The following KIF17 variants were observed in gnomAD, a reference collection of about 807,000 sequenced individuals.
The protein encoded by KIF17 is kinesin family member 17, also known as kinesin-like protein KIF17.
Under a neutral mutation model 96.8 loss-of-function variants are expected in KIF17, and 80 were observed. The ratio of observed to expected loss-of-function variants is 0.83; its 90% CI spans 0.69 to 1.00. The LOEUF is 1.00. Among genes scored for constraint, KIF17 ranks in the 50% least tolerant of loss-of-function variants. KIF17 has a pLI of 0.00. For missense variants in KIF17, 1,280 were observed against 1,372.9 expected (o/e 0.93, Z 1.07); for synonymous variants, 567 against 587.5 (o/e 0.97, Z 0.51).
chr1:20,661,726 C>T (rs560310791), downstream of KIF17, among the ~76,000 whole-genome samples: 1 of 152,284 alleles, frequency 6.6e-6, no homozygotes, highest in South Asian at 2.1e-4. Context: ...GCGGGGTCCT[C>T]CCCGGGCTTG....
intron 1 of KIF17, 148 bp downstream of exon 1, chr1:20,717,328 G>A (rs1335487457): frequency 4.8e-6 from 4 of 829,222 alleles, no homozygotes; most frequent in Non-Finnish European, 7.4e-6. Flanking sequence ...GTCCCGCCTG[G>A]ACAAAAGCCT....
rs1475709320 is a variant in KIF17 at position 20,687,639 on chromosome 1, C to G, written c.1687G>C (p.Glu563Gln). The change falls in exon 8 of 15, where the codon GAG becomes CAG. Residue 563 changes from glutamate (E) to glutamine (Q), a missense_variant. Physicochemically the swap from Glu to Gln is conservative, Grantham distance 29. Transcript: ENST00000400463. The surrounding 1 kb of genome is among the most constrained non-coding windows in gnomAD (Gnocchi z 4.4). ...FPGPEEPSNV[E>Q]VSMPTEESRS... ...GACTCCTCAGTGGGCATGGAGACCTCCACGTTGGAGGGCTCCTCAGGCCCA... is the reference window on the plus strand; with the variant it reads ...GACTCCTCAGTGGGCATGGAGACCTGCACGTTGGAGGGCTCCTCAGGCCCA... 1.2e-6 allele frequency: 2 copies of G among 1,614,056 alleles called. No homozygotes were observed. The highest frequency in any genetic ancestry group is 1.7e-6 in the Non-Finnish European group (2 of 1,180,038).
intron 11 of KIF17, among the ~76,000 whole-genome samples, chr1:20,677,593 T>C (rs1006373086): frequency 2.0e-5 from 3 of 151,952 alleles, no homozygotes; most frequent in Non-Finnish European, 4.4e-5. Context: ...GTGGCTCACG[T>C]CTGTAATCCC....
At chr1:20,716,276 G>A (rs928037331) in intron 1 of KIF17, among the ~76,000 whole-genome samples, 2 of 151,574 alleles carry the variant, frequency 1.3e-5, no homozygotes, top group African/African-American at 2.4e-5. Context: ...TATCTTAAAG[G>A]GTAAGAGCAG....
At chr1:20,683,471 A>G (rs924296338) in intron 10 of KIF17, among the ~76,000 whole-genome samples, 4 of 152,260 alleles carry the variant, frequency 2.6e-5, no homozygotes, top group African/African-American at 9.6e-5. Context: ...CTTGACCAAC[A>G]TGGTTAAACC....
intron 3 of KIF17, among the ~76,000 whole-genome samples, chr1:20,712,209 CAGA>C (rs1380004005): frequency 1.3e-5 from 2 of 152,172 alleles, no homozygotes; most frequent in South Asian, 4.1e-4. Context: ...TGCGGGTTAG[CAGA>C]AGGTTTGCAG....
Position 20,685,013 on chromosome 1 carries a change from T to C in KIF17, c.2027A>G (p.Asp676Gly), listed in dbSNP as rs532054254. The C allele has an allele frequency of 1.9e-6, 3 of 1,593,336 alleles. No homozygotes were observed. The African/African-American group carries it at 4.0e-5, about 21-fold the overall frequency. ...ADDFPPRPEV[D>G]LASEVALEVV... ...CTCTAAGGCCACTTCCGAGGCCAGATCTACCTCCTGAGTGTGAAGAGAAAC... is the reference window on the plus strand; with the variant it reads ...CTCTAAGGCCACTTCCGAGGCCAGACCTACCTCCTGAGTGTGAAGAGAAAC... Residue 676 changes from aspartate to glycine, a missense_variant, in exon 10 of 15, where the codon GAT becomes GGT. Physicochemically the swap from Asp to Gly is moderately conservative, Grantham distance 94. Transcript: ENST00000400463. This position sits in a 1 kb window ranked among gnomAD's most constrained non-coding sequence, Gnocchi z 4.1.
rs2053917720 is a variant in KIF17 at position 20,685,283 on chromosome 1, G to A, written c.2020-263C>T. ...CAATCCAGTCTCCACAGGCAGCCAG[G>A]GCCATCTTAAAATAGAAACCGATCA... is the stretch of plus-strand genomic sequence containing the variant. On this transcript the variant is annotated intron_variant, in intron 9 of 14. Transcript: ENST00000400463. This position sits in a 1 kb window ranked among gnomAD's most constrained non-coding sequence, Gnocchi z 4.1. The A allele has an allele frequency of 1.5e-6, 1 of 661,790 alleles. No homozygotes were observed. Among genetic ancestry groups the A allele is most frequent in the Non-Finnish European group, 2.8e-6 (1 of 358,552 alleles). 41.0% of individuals were successfully genotyped at this position (661,790 alleles called of 1,614,324 possible).
chr1:20,667,380 G>T (rs2053548020), intron 13 of KIF17, among the ~76,000 whole-genome samples: 2 of 152,172 alleles, frequency 1.3e-5, no homozygotes, highest in South Asian at 2.1e-4. Context: ...CCGTCTAGTT[G>T]CAGGAAAACA....
chr1:20,713,009 A>T (rs115476429), intron 3 of KIF17, among the ~76,000 whole-genome samples: 3,281 of 142,646 alleles, frequency 0.023, 121 homozygotes, highest in African/African-American at 0.079. Flanking sequence ...AGATATATAT[A>T]TTTTGAGACG....
At chr1:20,668,093 G>A (rs1205550744) in intron 13 of KIF17, among the ~76,000 whole-genome samples, 4 of 151,844 alleles carry the variant, frequency 2.6e-5, no homozygotes, top group African/African-American at 7.3e-5. Flanking sequence ...GGCAGATCAC[G>A]AGGTCAGGAG....
In KIF17 at chr1:20,704,697, C is replaced by T. The variant is rs1185161498; in HGVS notation, c.873G>A (p.Lys291=). Residue 291 remains lysine, a synonymous_variant, in exon 5 of 15, where the codon AAG becomes AAA. Transcript: ENST00000400463. The surrounding 1 kb of genome is among the most constrained non-coding windows in gnomAD (Gnocchi z 6.8). ...RCKHVPYRDS[K]LTRLLQDSLG... ...GTGAGTCCTGCAGCAGCCGCGTCAG[C>T]TTCGAGTCACGGTAGGGGACGTGCT... 4 of 1,614,148 alleles carry T rather than the reference C, an allele frequency of 2.5e-6. No homozygotes were observed. The highest frequency in any genetic ancestry group is 3.4e-6 in the Non-Finnish European group (4 of 1,180,032).
rs2053959739 is a variant in KIF17, at chr1:20,687,519, C to T, written c.1807G>A (p.Glu603Lys). 1 of 1,613,160 alleles carries T rather than the reference C, an allele frequency of 6.2e-7. No individual in the cohort carries two copies. Among genetic ancestry groups the T allele is most frequent in the Non-Finnish European group, 8.5e-7 (1 of 1,179,462 alleles). ...QNYLPQEEPQ[E>K]VPLQGLLGLQ... Reference sequence around the variant, plus strand: ...CCTAGTAACCCCTGCAGGGGCACCTCCTGCGGCTCCTCTTGCGGGAGGTAG... The same window carrying T: ...CCTAGTAACCCCTGCAGGGGCACCTTCTGCGGCTCCTCTTGCGGGAGGTAG... The change falls in exon 8 of 15, where the codon GAG (glutamate) becomes AAG (lysine). Residue 603 changes from glutamate to lysine, a missense_variant. By Grantham distance (56) the Glu-to-Lys change is moderately conservative. Transcript: ENST00000400463. This position sits in a 1 kb window ranked among gnomAD's most constrained non-coding sequence, Gnocchi z 4.4.
intron 3 of KIF17, 140 bp downstream of exon 3, chr1:20,713,314 T>TAA (rs373620869): frequency 1.7e-3 from 898 of 518,690 alleles, no homozygotes; most frequent in South Asian, 2.2e-3. Flanking sequence ...TTTTTTTAAT[T>TAA]AAAAAAAAAA....
chr1:20,682,577 G>T (rs902689432), intron 11 of KIF17, 76 bp downstream of exon 11: 3 of 1,233,948 alleles, frequency 2.4e-6, no homozygotes, highest in African/African-American at 1.5e-5. Flanking sequence ...TTCCTACAAG[G>T]TGTAGGGATG....
chr1:20,678,700 G>C (rs780613712), intron 11 of KIF17, among the ~76,000 whole-genome samples: 6 of 152,146 alleles, frequency 3.9e-5, no homozygotes, highest in Non-Finnish European at 8.8e-5. Context: ...GGGGCGAGGA[G>C]GAATGAGGTG....
chr1:20,712,726 A>ATCTATATATATAATATAGATAATAT (rs1242497639), intron 3 of KIF17, among the ~76,000 whole-genome samples: 3 of 23,614 alleles, frequency 1.3e-4, no homozygotes, highest in African/African-American at 3.8e-4. Flanking sequence ...AAATTATATT[A>ATCTATATATATAATATAGATAATAT]TATCTATATA....
In KIF17 at chr1:20,690,352, G is replaced by GGGGGGGGGGGCA; in HGVS notation, c.1234-18_1234-17insTGCCCCCCCCCC. The GGGGGGGGGGGCA allele has an allele frequency of 2.2e-6, 1 of 451,168 alleles. No individual in the cohort carries two copies. Among genetic ancestry groups the GGGGGGGGGGGCA allele is most frequent in the South Asian group, 1.7e-5 (1 of 57,280 alleles). The allele number at this position is 451,168 out of a possible 1,614,324, so 27.9% of individuals were successfully genotyped here. ...TTCATACTCCTGGGGGGGTGGGAGG[G>GGGGGGGGGGGCA]ACCAGAGGGCAGGCAGCATTTTATC... On this transcript the variant is annotated splice_polypyrimidine_tract_variant and intron_variant, in intron 6 of 14. Coordinates refer to ENST00000400463, the MANE Select transcript of KIF17 (RefSeq NM_001122819.3).
chr1:20,701,298 G>A (rs1233792814), intron 5 of KIF17, among the ~76,000 whole-genome samples: 1 of 152,162 alleles, frequency 6.6e-6, no homozygotes, highest in Non-Finnish European at 1.5e-5. Flanking sequence ...GGGCATGGTG[G>A]TGCGTGCCTG....
Sources: gnomAD v4.1 joint callset for allele counts (sites outside exome capture counted in the v4.1 genomes callset) on GRCh38, gnomAD v4.1.1 for gene constraint, Gnocchi (gnomAD v3.1) non-coding constraint, MANE v1.5 for transcripts, NCBI Gene and HGNC (gene_info 2026-07-23, HGNC 2026-07-21) for gene names.